Variants in SLC36A1 observed in about 807,000 individuals in gnomAD.
The protein encoded by SLC36A1 is solute carrier family 36 member 1.
A neutral mutation model predicts 47.5 loss-of-function variants in SLC36A1; 30 were observed. That is an observed-to-expected ratio of 0.63 (90% CI 0.47 to 0.86). The LOEUF is 0.86. Among genes scored for constraint, SLC36A1 ranks in the 40% least tolerant of loss-of-function variants. The pLI is 0.00. For synonymous variants in SLC36A1, 255 were observed against 249.7 expected (o/e 1.02, Z -0.20); for missense variants, 517 against 606.0 (o/e 0.85, Z 1.54).
upstream of SLC36A1, among the ~76,000 whole-genome samples, chr5:151,445,906 A>AT (rs1752888995): frequency 6.8e-6 from 1 of 147,268 alleles, no homozygotes; most frequent in Non-Finnish European, 1.5e-5. Flanking sequence ...CGTCAATTTA[A>AT]TTTTTTCCAA....
chr5:151,366,095 A>G, the SLC36A1 span, among the ~76,000 whole-genome samples: 1 of 152,250 alleles, frequency 6.6e-6, no homozygotes, highest in South Asian at 2.1e-4. Flanking sequence ...GTGTGCACAT[A>G]CTCTTCCTGA....
chr5:151,358,980 CAAAAAAA>C, the SLC36A1 span, among the ~76,000 whole-genome samples: 13 of 46,250 alleles, frequency 2.8e-4, no homozygotes, highest in African/African-American at 7.0e-4. Context: ...GACTCCGTCT[CAAAAAAA>C]AAAAAAAAAA....
chr5:151,478,684 G>A (rs997353068), intron 9 of SLC36A1, among the ~76,000 whole-genome samples: 59 of 152,274 alleles, frequency 3.9e-4, no homozygotes, highest in African/African-American at 1.0e-3. Flanking sequence ...CTTCCACCCC[G>A]CGCCCTCCAC....
chr5:151,424,323 G>T, the SLC36A1 span, among the ~76,000 whole-genome samples: 1 of 152,222 alleles, frequency 6.6e-6, no homozygotes, highest in East Asian at 1.9e-4. Context: ...AGGGATGGGG[G>T]TTTCAGTGAT....
chr5:151,467,421 G>C, intron 6 of SLC36A1, 138 bp downstream of exon 6: 1 of 672,186 alleles, frequency 1.5e-6, no homozygotes, highest in Non-Finnish European at 2.5e-6. Context: ...ATTTTACATA[G>C]ATCTACGTCT....
At chr5:151,361,862 T>G in the SLC36A1 span, among the ~76,000 whole-genome samples, 1 of 152,142 alleles carries the variant, frequency 6.6e-6, no homozygotes, top group Non-Finnish European at 1.5e-5. Context: ...GGATGACAGT[T>G]TTTTTTTCTT....
the SLC36A1 span, among the ~76,000 whole-genome samples, chr5:151,356,224 A>G: frequency 6.6e-6 from 1 of 151,180 alleles, no homozygotes; most frequent in African/African-American, 2.4e-5. Context: ...CTGTAATCCC[A>G]GCTAACTGGG....
chr5:151,350,771 G>A, the SLC36A1 span, among the ~76,000 whole-genome samples: 3 of 151,934 alleles, frequency 2.0e-5, no homozygotes, highest in East Asian at 1.9e-4. Context: ...GTGTGATCGC[G>A]GCTCACTGCA....
chr5:151,380,316 C>G, the SLC36A1 span: 1 of 283,614 alleles, frequency 3.5e-6, no homozygotes, highest in Non-Finnish European at 7.0e-6. Context: ...GAAACGCCCT[C>G]TCTACCAAAA....
At chr5:151,541,123 A>G in the SLC36A1 span, among the ~76,000 whole-genome samples, 10 of 152,352 alleles carry the variant, frequency 6.6e-5, no homozygotes, top group African/African-American at 2.4e-4. Flanking sequence ...CAGTGGAGAG[A>G]TAGGAAGCAA....
chr5:151,371,535 G>T, the SLC36A1 span, among the ~76,000 whole-genome samples: 1 of 152,050 alleles, frequency 6.6e-6, no homozygotes, highest in Non-Finnish European at 1.5e-5. Context: ...AAGCTTAATA[G>T]GGAGACAGAA....
intron 3 of SLC36A1, 52 bp from the exon 4 acceptor site, chr5:151,464,462 C>G: frequency 6.6e-7 from 1 of 1,517,690 alleles, no homozygotes; most frequent in Non-Finnish European, 9.1e-7. Context: ...GGGTTCACTC[C>G]TAATTCTACC....
rs544813686 is a variant in SLC36A1, at chr5:151,458,135, A to G, written c.-5-653A>G. Among the ~76,000 whole-genome samples the G allele has an allele frequency of 1.8e-4, 28 of 151,908 alleles. No individual in the cohort carries two copies. In the East Asian group the frequency reaches 4.5e-3, roughly 24 times the overall value. On this transcript the variant is annotated intron_variant, in intron 1 of 10. Coordinates refer to ENST00000243389, the MANE Select transcript of SLC36A1 (RefSeq NM_078483.4). The stretch of plus-strand genomic sequence containing the variant: ...AGTGCTGGGGTTGCAGGCGTGAGCC[A>G]CCACACCCAGCCCAGAGAGGATTTC...
the SLC36A1 span, among the ~76,000 whole-genome samples, chr5:151,375,000 C>T: frequency 6.6e-6 from 1 of 150,584 alleles, no homozygotes; most frequent in Non-Finnish European, 1.5e-5. Flanking sequence ...TTTCTCCTAT[C>T]TTGCAGATTG....
chr5:151,368,791 G>A, the SLC36A1 span, among the ~76,000 whole-genome samples: 1 of 152,118 alleles, frequency 6.6e-6, no homozygotes, highest in South Asian at 2.1e-4. Context: ...CACATTTAAG[G>A]TTAAATCTAA....
the SLC36A1 span, among the ~76,000 whole-genome samples, chr5:151,536,582 C>G: frequency 1.3e-5 from 2 of 152,204 alleles, no homozygotes; most frequent in African/African-American, 4.8e-5. Flanking sequence ...CCACCAGACT[C>G]TCACAGCCCA....
At chr5:151,415,075 C>T in the SLC36A1 span, among the ~76,000 whole-genome samples, 1 of 152,146 alleles carries the variant, frequency 6.6e-6, no homozygotes, top group South Asian at 2.1e-4. Flanking sequence ...CCAACCTCAT[C>T]TTCTTGGAGA....
intron 1 of SLC36A1, among the ~76,000 whole-genome samples, chr5:151,450,762 A>G (rs916330376): frequency 3.3e-5 from 5 of 152,218 alleles, no homozygotes; most frequent in African/African-American, 1.2e-4. Context: ...ATATCGCTTC[A>G]AAGGTCAGAT....
chr5:151,513,269 T>C, the SLC36A1 span, among the ~76,000 whole-genome samples: 23,404 of 152,160 alleles, frequency 0.15, 2,206 homozygotes, highest in Non-Finnish European at 0.2. Context: ...TTATTTTTCA[T>C]AAAAATATAT....
Sources: gnomAD v4.1 joint callset for allele counts (sites outside exome capture counted in the v4.1 genomes callset) on GRCh38, gnomAD v4.1.1 for gene constraint, MANE v1.5 for transcripts, NCBI Gene and HGNC (gene_info 2026-07-23, HGNC 2026-07-21) for gene names.